RNF6: variants seen among roughly 807,000 people sequenced by gnomAD.
The protein encoded by RNF6 is ring finger protein 6.
In RNF6, 21 loss-of-function variants were observed where a neutral mutation model predicts 50.1. The observed-to-expected ratio is 0.42, with a 90% CI of 0.30 to 0.60. The LOEUF (loss-of-function observed/expected upper bound fraction) is 0.60. RNF6 is among the 20% of genes least tolerant of loss of function. The pLI, the probability that RNF6 is intolerant of heterozygous loss-of-function variation, is 0.20. For synonymous variants in RNF6, 255 were observed against 291.8 expected (o/e 0.87, Z 1.29); for missense variants, 698 against 838.2 (o/e 0.83, Z 2.07).
intron 5 of RNF6, among the ~76,000 whole-genome samples, chr13:26,200,075 T>C (rs1344198967): frequency 2.0e-5 from 3 of 152,158 alleles, no homozygotes; most frequent in Admixed American, 6.5e-5. Flanking sequence ...ACACCAAATA[T>C]GCCCATGCCT....
chr13:26,203,714 C>A (rs1374548968), intron 5 of RNF6, among the ~76,000 whole-genome samples: 1 of 152,248 alleles, frequency 6.6e-6, no homozygotes. Context: ...GTAATCCCAG[C>A]ACTTTGGGAG....
At chr13:26,198,362 C>T (rs1430703768) in intron 5 of RNF6, among the ~76,000 whole-genome samples, 1 of 151,732 alleles carries the variant, frequency 6.6e-6, no homozygotes, top group Non-Finnish European at 1.5e-5. Context: ...ATGAGGCCTG[C>T]CCACATTATG....
chr13:26,207,778 C>T (rs1869167138), downstream of RNF6, among the ~76,000 whole-genome samples: 1 of 152,204 alleles, frequency 6.6e-6, no homozygotes, highest in African/African-American at 2.4e-5. Context: ...CCCTTGACTA[C>T]ACCAGTGCCG....
At chr13:26,145,456 G>C (rs916302784) in intron 5 of RNF6, among the ~76,000 whole-genome samples, 15 of 151,736 alleles carry the variant, frequency 9.9e-5, no homozygotes, top group Admixed American at 6.6e-5. Flanking sequence ...GGGGAGGGGG[G>C]GGGACTTCCC....
intron 5 of RNF6, among the ~76,000 whole-genome samples, chr13:26,201,525 T>C (rs1361440701): frequency 6.6e-6 from 1 of 152,004 alleles, no homozygotes; most frequent in East Asian, 1.9e-4. Context: ...GTAAGAAAGG[T>C]GAGAATATTC....
chr13:26,216,227 G>A (rs1216004223), intron 4 of RNF6, among the ~76,000 whole-genome samples: 2 of 152,172 alleles, frequency 1.3e-5, no homozygotes, highest in Admixed American at 6.5e-5. Flanking sequence ...ATAAACTGGA[G>A]TTAATAATAG....
intron 5 of RNF6, among the ~76,000 whole-genome samples, chr13:26,205,632 G>C (rs1340115248): frequency 6.6e-6 from 1 of 152,224 alleles, no homozygotes; most frequent in Non-Finnish European, 1.5e-5. Flanking sequence ...ACTAACATCA[G>C]TTGCCAAGAC....
At position 26,214,058 on chromosome 13, in the gene RNF6, T is replaced by A; in HGVS notation, c.1824A>T (p.Lys608Asn). Residue 608 changes from lysine to asparagine, a missense_variant, in exon 5 of 5, where the codon AAA becomes AAT. By Grantham distance (94) the Lys-to-Asn change is moderately conservative (BLOSUM62 0). Transcript: ENST00000381588. ...TGGTGGAAAGATTGTCAATCTGCTC[T>A]TTGGTTAAACCACGTATTCGATCAT... ...DDDDRIRGLT[K>N]EQIDNLSTRH... is the part of the protein sequence containing the mutation. 6.2e-7 allele frequency: 1 copy of A among 1,614,236 alleles called. No individual in the cohort carries two copies.
At chr13:26,145,735 T>C (rs568215463) in intron 5 of RNF6, among the ~76,000 whole-genome samples, 1 of 152,332 alleles carries the variant, frequency 6.6e-6, no homozygotes, top group East Asian at 1.9e-4. Context: ...GAGAACAAAC[T>C]AATACGATGG....
At chr13:26,187,268 A>G (rs112525150) in intron 5 of RNF6, among the ~76,000 whole-genome samples, 4 of 147,866 alleles carry the variant, frequency 2.7e-5, no homozygotes, top group African/African-American at 9.7e-5. Flanking sequence ...GGAGACGAAT[A>G]GAAAGGGGGA....
chr13:26,158,909 C>T (rs9512129), intron 5 of RNF6, among the ~76,000 whole-genome samples: 104,640 of 152,020 alleles, frequency 0.69, 36,475 homozygotes, highest in East Asian at 0.83. Context: ...CTCTAACTTG[C>T]GCATAATTTA....
chr13:26,164,196 G>C (rs970963116), intron 5 of RNF6, among the ~76,000 whole-genome samples: 2 of 152,122 alleles, frequency 1.3e-5, no homozygotes, highest in African/African-American at 4.8e-5. Flanking sequence ...TACAGTCCCT[G>C]AATTTTAAGA....
chr13:26,179,860 G>A (rs1015565122), intron 5 of RNF6, among the ~76,000 whole-genome samples: 10 of 152,208 alleles, frequency 6.6e-5, no homozygotes, highest in African/African-American at 1.9e-4. Context: ...CCAGGAGGAC[G>A]ACTACCACAA....
chr13:26,169,931 A>G (rs1364543476), intron 5 of RNF6, among the ~76,000 whole-genome samples: 1 of 152,238 alleles, frequency 6.6e-6, no homozygotes, highest in Non-Finnish European at 1.5e-5. Context: ...TTGTTTAAAA[A>G]GTCTTCCTTG....
intron 5 of RNF6, among the ~76,000 whole-genome samples, chr13:26,142,095 A>T (rs538293823): frequency 9.3e-4 from 142 of 152,332 alleles, no homozygotes; most frequent in Middle Eastern, 3.4e-3. Context: ...TCTCAAAAGA[A>T]GACAAAGAAG....
At chr13:26,181,262 C>A (rs1873227583) in intron 5 of RNF6, among the ~76,000 whole-genome samples, 1 of 152,140 alleles carries the variant, frequency 6.6e-6, no homozygotes, top group East Asian at 1.9e-4. Context: ...GCCTGAACTG[C>A]AGAGCACCTC....
rs144822315 is a variant in RNF6, at chr13:26,185,942, G to C, written n.768+29532C>G. 5.6e-3 allele frequency among the ~76,000 whole-genome samples: 859 copies of C among 152,208 alleles called. 9 individuals carry two copies. The highest frequency in any genetic ancestry group is 0.019 in the African/African-American group (809 of 41,518). ...CACACTATGTCCTAGCTTCTGCTAGGTTCTGAAAATACAGTAAGAGGCAAA... is the reference window on the plus strand; with the variant it reads ...CACACTATGTCCTAGCTTCTGCTAGCTTCTGAAAATACAGTAAGAGGCAAA... On this transcript the variant is annotated intron_variant and non_coding_transcript_variant, in intron 5 of 5. Transcript: ENST00000468480.
intron 5 of RNF6, among the ~76,000 whole-genome samples, chr13:26,182,410 G>A (rs1042167714): frequency 6.6e-6 from 1 of 152,104 alleles, no homozygotes; most frequent in East Asian, 1.9e-4. Flanking sequence ...CACATCAGGG[G>A]TTATAAAATA....
intron 4 of RNF6, among the ~76,000 whole-genome samples, chr13:26,216,508 C>A (rs765559710): frequency 2.0e-5 from 3 of 152,028 alleles, no homozygotes; most frequent in Non-Finnish European, 4.4e-5. Context: ...AAATGTGTCA[C>A]CCATAAACTT....
Sources: allele counts gnomAD v4.1 joint callset (sites outside exome capture counted in the v4.1 genomes callset), GRCh38; gene constraint gnomAD v4.1.1; transcripts MANE v1.5; gene names NCBI Gene and HGNC (gene_info 2026-07-23, HGNC 2026-07-21).